Variants in ERBB2 observed in about 807,000 individuals in gnomAD.
The protein encoded by ERBB2 is receptor tyrosine-protein kinase erbB-2.
Under a neutral mutation model 149.0 loss-of-function variants are expected in ERBB2, and 61 were observed. That is an observed-to-expected ratio of 0.41 (90% confidence interval 0.33 to 0.51). ERBB2 has a LOEUF of 0.51. ERBB2 is among the 20% of genes least tolerant of loss of function. The pLI, the probability that ERBB2 is intolerant of heterozygous loss-of-function variation, is 0.25. For synonymous variants in ERBB2, 633 were observed against 678.8 expected (o/e 0.93, Z 1.05); for missense variants, 1,205 against 1,655.1 (o/e 0.73, Z 4.72).
At chr17:39,693,101 T>C (rs2057749846), upstream of ERBB2, among the ~76,000 whole-genome samples, 1 of 152,082 alleles carries the variant, frequency 6.6e-6, no homozygotes, top group Non-Finnish European at 1.5e-5. Flanking sequence ...TGTAAAACAA[T>C]TTCATGCAGT....
intron 4 of ERBB2, 97 bp from the exon 5 acceptor site, chr17:39,709,716 C>A: frequency 1.6e-6 from 2 of 1,246,822 alleles, no homozygotes; most frequent in South Asian, 1.2e-5. Context: ...CAGTTGGCCT[C>A]GTGGCCTCTG....
At chr17:39,709,560 A>G (rs913238491) in intron 4 of ERBB2, 108 bp downstream of exon 4, 13 of 1,328,712 alleles carry the variant, frequency 9.8e-6, no homozygotes, top group Non-Finnish European at 1.2e-5. Context: ...AGCCGCCTAC[A>G]CCACCCATTT....
upstream of ERBB2, among the ~76,000 whole-genome samples, chr17:39,697,683 C>T (rs931559041): frequency 1.4e-4 from 21 of 151,398 alleles, no homozygotes; most frequent in African/African-American, 4.8e-4. Flanking sequence ...TGTTCAATTC[C>T]TTTCTCTCTC....
upstream of ERBB2, among the ~76,000 whole-genome samples, chr17:39,698,601 CCT>C (rs1236568355): frequency 6.8e-6 from 1 of 146,830 alleles, no homozygotes; most frequent in East Asian, 2.0e-4. Flanking sequence ...CCCAGAGGCC[CCT>C]GTTTCTCAAC....
At position 39,713,028 on chromosome 17, in the gene ERBB2, A is replaced by G. The variant is rs552526803; in HGVS notation, c.1148+580A>G. 42 of 158,910 alleles carry G rather than the reference A, an allele frequency of 2.6e-4. No individual in the cohort carries two copies. The South Asian group carries it at 7.9e-3, about 30-fold the overall frequency. 9.8% of individuals were successfully genotyped at this position (158,910 alleles called of 1,614,324 possible). Reference sequence around the variant, plus strand: ...AGGCACACAAGGACATTTCTGGGGTAATAGAAATGCTCTGTATAGTGATTG... The same window carrying G: ...AGGCACACAAGGACATTTCTGGGGTGATAGAAATGCTCTGTATAGTGATTG... On this transcript the variant is annotated intron_variant, in intron 9 of 26. Transcript: ENST00000269571.
At chr17:39,688,688 T>A (rs569436395) in intron 1 of ERBB2, 1 of 152,404 alleles carries the variant, frequency 6.6e-6, no homozygotes, top group Non-Finnish European at 1.5e-5. Flanking sequence ...TCTTCTTTTT[T>A]CTTCTAGTCG....
At chr17:39,694,392 G>A (rs1012945172), upstream of ERBB2, among the ~76,000 whole-genome samples, 3 of 148,942 alleles carry the variant, frequency 2.0e-5, no homozygotes, top group East Asian at 3.9e-4. Flanking sequence ...CTGTTGCTGC[G>A]GGGAGAATTG....
upstream of ERBB2, chr17:39,699,457 G>A (rs1215351035): frequency 9.0e-6 from 11 of 1,224,578 alleles, no homozygotes; most frequent in South Asian, 1.4e-5. Context: ...GCAAAAGTTC[G>A]TTTAAAAAAA....
Position 39,709,839 on chromosome 17 carries a change from G to T in ERBB2, c.601G>T (p.Gly201Cys), listed in dbSNP as rs2058691141. The T allele has an allele frequency of 6.2e-7, 1 of 1,613,368 alleles. No individual in the cohort carries two copies. Among genetic ancestry groups the T allele is most frequent in the African/African-American group, 1.3e-5 (1 of 74,916 alleles). Residue 201 changes from glycine to cysteine, a missense_variant, in exon 5 of 27, where the codon GGC becomes TGC. By Grantham distance (159) the Gly-to-Cys change is radical (BLOSUM62 -3). Around this residue, in one of 6 missense-constraint regions of ERBB2, gnomAD observed 569 missense variants for 803.5 expected, o/e 0.71. Transcript: ENST00000269571. ...ACHPCSPMCKGSRCWGESSED... is the reference protein window; with the variant it reads ...ACHPCSPMCKCSRCWGESSED... Reference sequence around the variant, plus strand: ...CCACCCCTGTTCTCCGATGTGTAAGGGCTCCCGCTGCTGGGGAGAGAGTTC... The same window carrying T: ...CCACCCCTGTTCTCCGATGTGTAAGTGCTCCCGCTGCTGGGGAGAGAGTTC...
intron 16 of ERBB2, among the ~76,000 whole-genome samples, chr17:39,722,080 G>A (rs943338107): frequency 3.9e-5 from 6 of 151,926 alleles, no homozygotes; most frequent in Non-Finnish European, 5.9e-5. Flanking sequence ...CACCACACCC[G>A]GCTAATTTTG....
chr17:39,723,532 C>A lies in ERBB2; in HGVS notation c.2086-6C>A, dbSNP rs141735528. 2 of 1,612,578 alleles carry A rather than the reference C, an allele frequency of 1.2e-6. No individual in the cohort carries two copies. Among genetic ancestry groups the A allele is most frequent in the African/African-American group, 2.7e-5 (2 of 74,940 alleles). ...CCGGCACTGACCCACCACCCCCTCA[C>A]CCCAGCTGGTGGAGCCGCTGACACC... On this transcript the variant is annotated splice_polypyrimidine_tract_variant and splice_region_variant and intron_variant, in intron 17 of 26. Transcript: ENST00000269571. The surrounding 1 kb of genome is among the most constrained non-coding windows in gnomAD (Gnocchi z 6.2).
chr17:39,689,912 A>G (rs558278977), intron 2 of ERBB2, among the ~76,000 whole-genome samples: 9 of 151,916 alleles, frequency 5.9e-5, no homozygotes, highest in African/African-American at 1.7e-4. Context: ...AAAAAAAAAA[A>G]AAAAAGAAAA....
chr17:39,694,841 C>T (rs543361314), upstream of ERBB2: 9 of 152,326 alleles, frequency 5.9e-5, no homozygotes, highest in Non-Finnish European at 1.2e-4. Flanking sequence ...CTTAGTGCTC[C>T]TGAAACAAGG....
upstream of ERBB2, chr17:39,694,646 A>G (rs1340319505): frequency 1.3e-5 from 2 of 152,158 alleles, no homozygotes; most frequent in African/African-American, 4.8e-5. Flanking sequence ...TGAAATCAAG[A>G]CTTTGTGATT....
intron 15 of ERBB2, among the ~76,000 whole-genome samples, chr17:39,717,826 T>TCACACACACACAC (rs1476988681): frequency 4.1e-5 from 6 of 147,864 alleles, no homozygotes. Flanking sequence ...CACACATATG[T>TCACACACACACAC]ATTTTTAGAC....
chr17:39,718,188 C>G (rs2059250371), intron 15 of ERBB2, among the ~76,000 whole-genome samples: 1 of 152,190 alleles, frequency 6.6e-6, no homozygotes, highest in African/African-American at 2.4e-5. Flanking sequence ...TTTCCAGAAC[C>G]TTGAAATGTT....
chr17:39,718,285 C>T (rs1311789218), intron 15 of ERBB2, among the ~76,000 whole-genome samples: 1 of 152,066 alleles, frequency 6.6e-6, no homozygotes, highest in East Asian at 1.9e-4. Context: ...TGAATACATC[C>T]TTGTGATAAA....
chr17:39,709,600 C>T, intron 4 of ERBB2, 148 bp downstream of exon 4: 1 of 1,007,816 alleles, frequency 9.9e-7, no homozygotes, highest in South Asian at 1.5e-5. Flanking sequence ...TGCCATCTCC[C>T]TGTGCCTCTT....
In ERBB2 at chr17:39,725,509, G is replaced by A. The variant is rs371772314; in HGVS notation, c.2725+107G>A. The stretch of plus-strand genomic sequence containing the variant: ...GGGGCCACCTCAGCATGTGAAGGGA[G>A]GGAAGGGGCTGCCTGTGCCCCACCT... On this transcript the variant is annotated intron_variant, in intron 22 of 26. Coordinates refer to ENST00000269571, the MANE Select transcript of ERBB2 (RefSeq NM_004448.4). This position sits in a 1 kb window ranked among gnomAD's most constrained non-coding sequence, Gnocchi z 4.6. The A allele has an allele frequency of 3.8e-6, 5 of 1,309,154 alleles. No homozygotes were observed. The highest frequency in any genetic ancestry group is 4.3e-6 in the Non-Finnish European group (4 of 922,194). The allele number at this position is 1,309,154 out of a possible 1,614,324, so 81.1% of individuals were successfully genotyped here. A position where few individuals can be genotyped will look rare whatever the true frequency, so the allele number is the denominator to read the frequency against.
Sources: gnomAD v4.1 joint callset for allele counts (sites outside exome capture counted in the v4.1 genomes callset) on GRCh38, gnomAD v4.1.1 for gene constraint, gnomAD v4.1.1 regional missense constraint, Gnocchi (gnomAD v3.1) non-coding constraint, MANE v1.5 for transcripts, NCBI Gene and HGNC (gene_info 2026-07-23, HGNC 2026-07-21) for gene names.